Variants in DOCK3 observed in about 807,000 individuals in gnomAD.
DOCK3 encodes dedicator of cytokinesis protein 3.
Under a neutral mutation model 265.6 loss-of-function variants are expected in DOCK3, and 60 were observed. The ratio of observed to expected loss-of-function variants is 0.23; its 90% CI spans 0.18 to 0.28. The LOEUF is 0.28. Ranked by LOEUF, DOCK3 falls within the 10% of genes least tolerant of loss-of-function variation. DOCK3 has a pLI of 1.00. For synonymous variants in DOCK3, 881 were observed against 938.0 expected (o/e 0.94, Z 1.11); for missense variants, 1,981 against 2,594.3 (o/e 0.76, Z 5.14).
chr3:50,814,253 G>T (rs557421168), intron 2 of DOCK3, among the ~76,000 whole-genome samples: 22 of 152,194 alleles, frequency 1.4e-4, no homozygotes, highest in African/African-American at 4.6e-4. Flanking sequence ...TTAAAAGGAA[G>T]AAATTAATAT....
chr3:50,688,398 G>A (rs1364968210), intron 1 of DOCK3, among the ~76,000 whole-genome samples: 1 of 152,188 alleles, frequency 6.6e-6, no homozygotes. Context: ...CAAAGCACTT[G>A]GAGAATGTGA....
At position 50,777,270 on chromosome 3, in the gene DOCK3, T is replaced by A. The variant is rs577857713; in HGVS notation, c.38-1405T>A. 2.0e-4 allele frequency among the ~76,000 whole-genome samples: 30 copies of A among 152,296 alleles called. No individual in the cohort carries two copies. The South Asian group carries it at 6.2e-3, about 32-fold the overall frequency. The stretch of plus-strand genomic sequence containing the variant: ...CATTTGGCTTTATTTCTGGGTTCTG[T>A]ATTTTTTTCCATTGGTCTAACTGCT... On this transcript the variant is annotated intron_variant, in intron 1 of 52. Coordinates refer to ENST00000266037, the MANE Select transcript of DOCK3 (RefSeq NM_004947.5).
At chr3:51,022,781 T>C (rs2079650366) in intron 5 of DOCK3, among the ~76,000 whole-genome samples, 1 of 152,158 alleles carries the variant, frequency 6.6e-6, no homozygotes, top group African/African-American at 2.4e-5. Flanking sequence ...GAGAGTATTT[T>C]CTAGTTTTTC....
chr3:51,283,745 T>C (rs2081263407), intron 27 of DOCK3, among the ~76,000 whole-genome samples: 1 of 152,154 alleles, frequency 6.6e-6, no homozygotes, highest in Admixed American at 6.5e-5. Context: ...CCAGCTTTTA[T>C]AGCTTCTACC....
At chr3:50,979,900 A>G (rs528129582) in intron 5 of DOCK3, among the ~76,000 whole-genome samples, 3 of 152,308 alleles carry the variant, frequency 2.0e-5, no homozygotes, top group African/African-American at 4.8e-5. Context: ...GTCATCTACA[A>G]AGAGAGACAA....
At chr3:50,841,530 G>T in intron 2 of DOCK3, 145 bp from the exon 3 acceptor site, 1 of 303,772 alleles carries the variant, frequency 3.3e-6, no homozygotes, top group Non-Finnish European at 6.6e-6. Context: ...GGAGTAAGCT[G>T]CTATGACAAC....
chr3:50,709,750 C>T (rs562656033), intron 1 of DOCK3, among the ~76,000 whole-genome samples: 143 of 152,214 alleles, frequency 9.4e-4, no homozygotes, highest in African/African-American at 3.3e-3. Context: ...CACTTGAACC[C>T]GCGAGGTGGA....
chr3:50,932,476 A>G (rs919303479), intron 4 of DOCK3, among the ~76,000 whole-genome samples: 1 of 152,154 alleles, frequency 6.6e-6, no homozygotes, highest in African/African-American at 2.4e-5. Context: ...GTCTTTGGTC[A>G]TAGAAAGTTT....
chr3:50,717,591 C>T (rs898945255), intron 1 of DOCK3, among the ~76,000 whole-genome samples: 4 of 151,772 alleles, frequency 2.6e-5, no homozygotes, highest in African/African-American at 9.7e-5. Context: ...CCTTTCTGTC[C>T]GCACCTGATA....
rs541901460 is a variant in DOCK3 at position 50,890,049 on chromosome 3, T to C, written c.186T>C (p.Ile62=). 1 of 1,419,318 alleles carries C rather than the reference T, an allele frequency of 7.0e-7. No individual in the cohort carries two copies. The highest frequency in any genetic ancestry group is 1.6e-5 in the South Asian group (1 of 62,276). The allele number at this position is 1,419,318 out of a possible 1,614,324, so 87.9% of individuals were successfully genotyped here. A position where few individuals can be genotyped will look rare whatever the true frequency, so the allele number is the denominator to read the frequency against. The stretch of plus-strand genomic sequence containing the variant: ...AGGGGATCTTTCCTGCAAATTACAT[T>C]CACTTGAAAAAGGCAATTGTCAGTA... ...NVKGIFPANY[I]HLKKAIVSNR... Residue 62 remains isoleucine, a synonymous_variant, in exon 4 of 53, where the codon ATT becomes ATC. Transcript: ENST00000266037.
intron 5 of DOCK3, among the ~76,000 whole-genome samples, chr3:50,969,248 A>G (rs573727410): frequency 6.6e-6 from 1 of 151,658 alleles, no homozygotes; most frequent in Admixed American, 6.6e-5. Flanking sequence ...ATCTTTTTCT[A>G]TTGTTGTTGA....
At chr3:50,721,456 C>T (rs1406040681) in intron 1 of DOCK3, among the ~76,000 whole-genome samples, 1 of 152,138 alleles carries the variant, frequency 6.6e-6, no homozygotes, top group Non-Finnish European at 1.5e-5. Flanking sequence ...GTTCTTTCCC[C>T]ATTGCTTGTT....
intron 5 of DOCK3, among the ~76,000 whole-genome samples, chr3:50,970,891 T>TTATATATA (rs55749209): frequency 9.9e-4 from 12 of 12,148 alleles, no homozygotes; most frequent in Non-Finnish European, 1.2e-3. Flanking sequence ...CATCTAATTT[T>TTATATATA]TATATATATA....
At chr3:50,886,830 A>G (rs2048366024) in intron 3 of DOCK3, among the ~76,000 whole-genome samples, 2 of 152,184 alleles carry the variant, frequency 1.3e-5, no homozygotes, top group African/African-American at 4.8e-5. Context: ...ACAAAGACAC[A>G]ACATACCAGA....
At chr3:50,869,617 C>T (rs1244495686) in intron 3 of DOCK3, among the ~76,000 whole-genome samples, 1 of 151,818 alleles carries the variant, frequency 6.6e-6, no homozygotes, top group Non-Finnish European at 1.5e-5. Flanking sequence ...AGTGATCCAC[C>T]TGTTTTGGCC....
At chr3:50,775,831 C>G (rs538075567) in intron 1 of DOCK3, among the ~76,000 whole-genome samples, 1 of 111,920 alleles carries the variant, frequency 8.9e-6, no homozygotes, top group African/African-American at 3.2e-5. Flanking sequence ...TAGATGAGAA[C>G]ATATGGTATT....
At chr3:51,045,852 T>G (rs888689225) in intron 5 of DOCK3, among the ~76,000 whole-genome samples, 9 of 152,216 alleles carry the variant, frequency 5.9e-5, no homozygotes, top group Admixed American at 2.0e-4. Context: ...GAGCATCTTA[T>G]TTTATTGTCT....
At chr3:51,021,066 G>A (rs2108876260) in intron 5 of DOCK3, among the ~76,000 whole-genome samples, 1 of 152,038 alleles carries the variant, frequency 6.6e-6, no homozygotes, top group Non-Finnish European at 1.5e-5. Flanking sequence ...TGGCAGTATG[G>A]CCATTTTCAC....
chr3:51,068,483 T>G (rs1444316897), intron 6 of DOCK3, among the ~76,000 whole-genome samples: 1 of 134,146 alleles, frequency 7.5e-6, no homozygotes, highest in Non-Finnish European at 1.5e-5. Flanking sequence ...GAGCTTGCAG[T>G]GAGCCGAGGT....
Sources: allele counts gnomAD v4.1 joint callset (sites outside exome capture counted in the v4.1 genomes callset), GRCh38; gene constraint gnomAD v4.1.1; transcripts MANE v1.5; gene names NCBI Gene and HGNC (gene_info 2026-07-23, HGNC 2026-07-21).